The following SGPP1 variants were observed in gnomAD, a reference collection of about 807,000 sequenced individuals.
SGPP1 encodes sphingosine-1-phosphate phosphatase 1, also known as hSPP1.
A neutral mutation model predicts 33.0 loss-of-function variants in SGPP1; 21 were observed. The observed-to-expected ratio is 0.64, with a 90% CI of 0.45 to 0.92. SGPP1 has a LOEUF of 0.92. SGPP1 is among the 40% of genes least tolerant of loss of function. SGPP1 has a pLI of 0.00. For synonymous variants in SGPP1, 239 were observed against 241.2 expected (o/e 0.99, Z 0.08); for missense variants, 543 against 589.4 (o/e 0.92, Z 0.81).
intron 1 of SGPP1, among the ~76,000 whole-genome samples, chr14:63,717,284 G>T (rs1250943367): frequency 4.1e-5 from 6 of 147,106 alleles, no homozygotes; most frequent in Non-Finnish European, 7.5e-5. Flanking sequence ...ACCTGTGAAT[G>T]AACAGTTTAA....
In SGPP1 at chr14:63,727,475, G is replaced by A; in HGVS notation, c.470C>T (p.Pro157Leu). Residue 157 changes from proline to leucine, a missense_variant, in exon 1 of 3, where the codon CCT becomes CTT. By Grantham distance (98) the Pro-to-Leu change is moderately conservative. Coordinates refer to ENST00000247225, the MANE Select transcript of SGPP1 (RefSeq NM_030791.4). ...GACCACGAGCCTCCGGCCCACCAGA[G>A]GGTCCAGGTTCCAGATCCAGAAGGG... The part of the protein sequence containing the change: ...FFPFWIWNLD[P>L]LVGRRLVVIW... The A allele has an allele frequency of 2.5e-6, 4 of 1,614,194 alleles. No homozygotes were observed. The highest frequency in any genetic ancestry group is 3.4e-6 in the Non-Finnish European group (4 of 1,180,036).
intron 1 of SGPP1, among the ~76,000 whole-genome samples, chr14:63,699,195 T>C (rs1885247882): frequency 6.6e-6 from 1 of 152,178 alleles, no homozygotes; most frequent in Non-Finnish European, 1.5e-5. Context: ...GACTAAAATT[T>C]CAAATGGTCC....
In SGPP1 at chr14:63,686,292, C is replaced by T; in HGVS notation, c.1139G>A (p.Arg380Lys). ...AATGGTGATCTTTTTCATTACATCT[C>T]TGATTATTAGTACAAATACCATCCC... ...LIGMVFVLII[R>K]DVMKKITIPL... Residue 380 changes from arginine to lysine, a missense_variant, in exon 3 of 3, where the codon AGA becomes AAA. Transcript: ENST00000247225. The T allele has an allele frequency of 6.2e-7, 1 of 1,614,054 alleles. No individual in the cohort carries two copies. Among genetic ancestry groups the T allele is most frequent in the South Asian group, 1.1e-5 (1 of 91,062 alleles).
chr14:63,701,947 G>A (rs1175680588), intron 1 of SGPP1, among the ~76,000 whole-genome samples: 34 of 108,784 alleles, frequency 3.1e-4, no homozygotes, highest in East Asian at 1.0e-3. Flanking sequence ...ACCAAAAGAA[G>A]TAAAAAAAAA....
intron 1 of SGPP1, among the ~76,000 whole-genome samples, chr14:63,725,754 T>C (rs560339349): frequency 4.6e-5 from 7 of 152,306 alleles, no homozygotes; most frequent in Admixed American, 2.6e-4. Flanking sequence ...AGCTATTTTC[T>C]CTTACTTTGA....
At chr14:63,703,989 C>T (rs1885356570) in intron 1 of SGPP1, among the ~76,000 whole-genome samples, 1 of 151,608 alleles carries the variant, frequency 6.6e-6, no homozygotes, top group Non-Finnish European at 1.5e-5. Context: ...CCATACCCTG[C>T]TAATTTTTTA....
At chr14:63,719,308 T>C (rs958181550) in intron 1 of SGPP1, among the ~76,000 whole-genome samples, 1 of 151,460 alleles carries the variant, frequency 6.6e-6, no homozygotes, top group African/African-American at 2.4e-5. Flanking sequence ...CCTGGCCACA[T>C]AAAAATTATT....
chr14:63,697,996 G>A (rs1885220902), intron 2 of SGPP1, among the ~76,000 whole-genome samples: 2 of 152,198 alleles, frequency 1.3e-5, no homozygotes, highest in South Asian at 4.1e-4. Flanking sequence ...TGTCAATAGG[G>A]ATAGCGAGGA....
intron 1 of SGPP1, among the ~76,000 whole-genome samples, chr14:63,716,152 A>G (rs1369082503): frequency 6.6e-6 from 1 of 152,208 alleles, no homozygotes; most frequent in Non-Finnish European, 1.5e-5. Flanking sequence ...AGAAACACAC[A>G]AAGATGACAA....
At chr14:63,695,302 C>T (rs867163201) in intron 2 of SGPP1, among the ~76,000 whole-genome samples, 2 of 152,108 alleles carry the variant, frequency 1.3e-5, no homozygotes, top group African/African-American at 4.8e-5. Context: ...ATGATCCGCC[C>T]GCCTCTGCCT....
chr14:63,689,343 G>A (rs1406280732), intron 2 of SGPP1, among the ~76,000 whole-genome samples: 1 of 152,006 alleles, frequency 6.6e-6, no homozygotes, highest in Non-Finnish European at 1.5e-5. Context: ...GTAGATACCA[G>A]GTTTCACCAG....
chr14:63,714,983 A>G (rs1186489163), intron 1 of SGPP1, among the ~76,000 whole-genome samples: 5 of 151,366 alleles, frequency 3.3e-5, no homozygotes, highest in Non-Finnish European at 5.9e-5. Context: ...TCAGCCTCCT[A>G]AAGTGCTGGG....
intron 1 of SGPP1, among the ~76,000 whole-genome samples, chr14:63,711,754 T>C (rs1333061754): frequency 6.6e-6 from 1 of 152,172 alleles, no homozygotes; most frequent in East Asian, 1.9e-4. Flanking sequence ...CTGAGTACTT[T>C]TGCTGGCCAT....
At position 63,727,734 on chromosome 14, in the gene SGPP1, T is replaced by A; in HGVS notation, c.211A>T (p.Ser71Cys). The change falls in exon 1 of 3, where the codon AGC becomes TGC. Residue 71 changes from serine (S) to cysteine (C), a missense_variant. Ser to Cys is a moderately radical substitution (Grantham distance 112). Coordinates refer to ENST00000247225, the MANE Select transcript of SGPP1 (RefSeq NM_030791.4). ...TTGGCCGGGCACTGATTGCGGTCGC[T>A]CCCGGGAGGCTGGGGGCCTCCAGGC... Reference protein sequence around the residue: ...GAPGGPQPPGSDRNQCPAKPD... With the variant: ...GAPGGPQPPGCDRNQCPAKPD... 6.9e-7 allele frequency: 1 copy of A among 1,459,514 alleles called. No individual in the cohort carries two copies. The highest frequency in any genetic ancestry group is 9.0e-7 in the Non-Finnish European group (1 of 1,113,900). The allele number at this position is 1,459,514 out of a possible 1,614,324, so 90.4% of individuals were successfully genotyped here. A position where few individuals can be genotyped will look rare whatever the true frequency, so the allele number is the denominator to read the frequency against.
At chr14:63,700,866 C>A (rs1885283181) in intron 1 of SGPP1, among the ~76,000 whole-genome samples, 2 of 152,188 alleles carry the variant, frequency 1.3e-5, no homozygotes, top group African/African-American at 4.8e-5. Context: ...ATAGATGTGA[C>A]CCTGGGAAAC....
intron 1 of SGPP1, among the ~76,000 whole-genome samples, chr14:63,708,133 T>C (rs959768281): frequency 3.3e-5 from 5 of 152,114 alleles, no homozygotes; most frequent in African/African-American, 1.2e-4. Context: ...TAACTGACCT[T>C]TCTCTTGTTT....
At chr14:63,696,318 A>G (rs1241263879) in intron 2 of SGPP1, among the ~76,000 whole-genome samples, 2 of 152,200 alleles carry the variant, frequency 1.3e-5, no homozygotes, top group Non-Finnish European at 2.9e-5. Context: ...CTTTGAGATT[A>G]TATATTCAAT....
intron 1 of SGPP1, among the ~76,000 whole-genome samples, chr14:63,699,216 A>C (rs1387261767): frequency 6.6e-6 from 1 of 152,210 alleles, no homozygotes; most frequent in East Asian, 1.9e-4. Flanking sequence ...CCTTACTGAG[A>C]AAAATTTCCG....
chr14:63,704,967 A>G (rs1315606016), intron 1 of SGPP1, among the ~76,000 whole-genome samples: 1 of 151,972 alleles, frequency 6.6e-6, no homozygotes, highest in East Asian at 1.9e-4. Context: ...CTCTATGAAA[A>G]ATACAAAAAA....
Sources: allele counts gnomAD v4.1 joint callset (sites outside exome capture counted in the v4.1 genomes callset), GRCh38; gene constraint gnomAD v4.1.1; transcripts MANE v1.5; gene names NCBI Gene and HGNC (gene_info 2026-07-23, HGNC 2026-07-21).